Variants in SETD9 observed in about 807,000 individuals in gnomAD.
SETD9 encodes the protein SET domain-containing protein 9.
In SETD9, 37 loss-of-function variants were observed where a neutral mutation model predicts 36.4. The observed-to-expected ratio is 1.02, with a 90% CI of 0.78 to 1.34. The LOEUF is 1.34. Ranked by LOEUF, SETD9 falls within the 40% of genes most tolerant of loss-of-function variation. SETD9 has a pLI of 0.00. For synonymous variants in SETD9, 128 were observed against 132.9 expected, an observed-to-expected ratio of 0.96 and a Z score of 0.26; for missense variants, 323 against 353.2, an observed-to-expected ratio of 0.91 and a Z score of 0.69.
chr5:56,910,074 G>C, intron 1 of SETD9: 1 of 1,266,922 alleles, frequency 7.9e-7, no homozygotes, highest in South Asian at 1.6e-5. Context: ...GGCCGAGCTC[G>C]CCAGCCGGAT....
chr5:56,909,561 C>G (rs1329535284), upstream of SETD9: 3 of 1,070,616 alleles, frequency 2.8e-6, no homozygotes, highest in African/African-American at 1.7e-5. Flanking sequence ...CCGAGCGCGG[C>G]CCCCTCTCCT....
chr5:56,923,784 C>T (rs775094278), intron 5 of SETD9: 3 of 1,614,172 alleles, frequency 1.9e-6, no homozygotes, highest in African/African-American at 1.3e-5. Flanking sequence ...GAAGCATTTA[C>T]CGTCCCACCC....
chr5:56,912,719 G>A (rs1749208773), intron 2 of SETD9, among the ~76,000 whole-genome samples: 1 of 151,788 alleles, frequency 6.6e-6, no homozygotes, highest in Admixed American at 6.6e-5. Context: ...AAATATATAT[G>A]TGTGTGTGTA....
rs1445744582 is a variant in SETD9 at position 56,910,425 on chromosome 5, C to T, written c.98+682C>T. ...TCCCGCCGGCGTTATTAAGGGCGCACCAGTGATCAGCTCAACACCGTGCTC... is the reference window on the plus strand; with the variant it reads ...TCCCGCCGGCGTTATTAAGGGCGCATCAGTGATCAGCTCAACACCGTGCTC... On this transcript the variant is annotated intron_variant, in intron 1 of 5. Transcript: ENST00000285947. The T allele has an allele frequency of 1.2e-5, 16 of 1,301,380 alleles. No individual in the cohort carries two copies. In the Admixed American group the frequency reaches 1.4e-4, roughly 11 times the overall value. The allele number at this position is 1,301,380 out of a possible 1,614,324, so 80.6% of individuals were successfully genotyped here. A position where few individuals can be genotyped will look rare whatever the true frequency, so the allele number is the denominator to read the frequency against.
downstream of SETD9, chr5:56,922,236 C>T (rs1182582104): frequency 2.6e-5 from 4 of 152,574 alleles, no homozygotes; most frequent in Non-Finnish European, 5.9e-5. Context: ...CTCTGCAAGT[C>T]GACTGCCTCA....
chr5:56,909,721 C>G lies in SETD9; in HGVS notation c.76C>G (p.Leu26Val), dbSNP rs753264573. ...YKYRFVPWIA[L>V]NLSHNPRTLR... ...GTACCGCTTCGTTCCCTGGATCGCA[C>G]TGAACCTAAGCCACAACCCGAGGTG... Residue 26 changes from leucine (L) to valine (V), a missense_variant, in exon 1 of 6, where the codon CTG (leucine) becomes GTG (valine). Physicochemically the swap from Leu to Val is conservative, Grantham distance 32. Transcript: ENST00000285947. 8.7e-6 allele frequency: 14 copies of G among 1,611,260 alleles called. No individual in the cohort carries two copies. The South Asian group carries it at 9.9e-5, about 11-fold the overall frequency.
chr5:56,910,250 G>A (rs1461370306), intron 1 of SETD9: 12 of 1,300,870 alleles, frequency 9.2e-6, no homozygotes, highest in Non-Finnish European at 1.2e-5. Context: ...AGCCAAGCCA[G>A]GGTTTATTTT....
At chr5:56,922,938 GT>G in intron 5 of SETD9, 1 of 595,916 alleles carries the variant, frequency 1.7e-6, no homozygotes, top group South Asian at 2.1e-5. Flanking sequence ...GCTGATCATA[GT>G]TCATTTCCAC....
At chr5:56,911,884 T>C (rs7731829) in intron 2 of SETD9, among the ~76,000 whole-genome samples, 13,895 of 152,100 alleles carry the variant, frequency 0.091, 658 homozygotes, top group East Asian at 0.14. Context: ...ATAAAAATGG[T>C]ATGGATAGGC....
chr5:56,919,864 T>C (rs1441829081), downstream of SETD9: 1 of 152,630 alleles, frequency 6.6e-6, no homozygotes, highest in Non-Finnish European at 1.5e-5. Context: ...TATTTAACAA[T>C]AAAACTAATA....
rs112952866 is a variant in SETD9 at position 56,911,189 on chromosome 5, A to G, written c.119A>G (p.Glu40Gly). Residue 40 changes from glutamate (E) to glycine (G), a missense_variant, in exon 2 of 6, where the codon GAG (glutamate) becomes GGG (glycine). Glu to Gly is a moderately conservative substitution (Grantham distance 98, BLOSUM62 -2). Coordinates refer to ENST00000285947, the MANE Select transcript of SETD9 (RefSeq NM_153706.4). Reference protein sequence around the residue: ...HNPRTLRYVPEESKDKVISDE... With the variant: ...HNPRTLRYVPGESKDKVISDE... The stretch of plus-strand genomic sequence containing the variant: ...TTCAGGACCCTCCGATATGTTCCAG[A>G]GGAATCCAAAGACAAAGTTATCTCA... 4 of 1,564,170 alleles carry G rather than the reference A, an allele frequency of 2.6e-6. No homozygotes were observed. The highest frequency in any genetic ancestry group is 3.4e-6 in the Non-Finnish European group (4 of 1,159,658).
In SETD9 at chr5:56,923,533, C is replaced by G. The variant is rs13158348; in HGVS notation, c.813-1800C>G. The G allele has an allele frequency of 1.9e-6, 3 of 1,614,028 alleles. No individual in the cohort carries two copies. In the African/African-American group the frequency reaches 4.0e-5, roughly 22 times the overall value. ...TGCCCAGTGGAGGAAAGCTATCATC[C>G]AAACAATTCACATCTGTGGGGTCGC... On this transcript the variant is annotated intron_variant, in intron 5 of 5. Transcript: ENST00000628593.
chr5:56,914,579 T>A (rs61278773), intron 4 of SETD9, among the ~76,000 whole-genome samples: 3,271 of 152,110 alleles, frequency 0.022, 127 homozygotes, highest in African/African-American at 0.075. Flanking sequence ...GTAGATATTA[T>A]CTAAACATAT....
At chr5:56,927,577 G>A (rs747895817), downstream of SETD9, among the ~76,000 whole-genome samples, 1 of 151,940 alleles carries the variant, frequency 6.6e-6, no homozygotes, top group Non-Finnish European at 1.5e-5. Context: ...ATAGACTTTA[G>A]TTTTTAAGAG....
At chr5:56,914,062 G>A in intron 4 of SETD9, 73 bp downstream of exon 4, 3 of 1,110,886 alleles carry the variant, frequency 2.7e-6, no homozygotes, top group East Asian at 2.4e-5. Context: ...ATATGACTGA[G>A]TGCCAAGGGC....
In SETD9 at chr5:56,913,052, A is replaced by G. The variant is rs1749230630; in HGVS notation, c.508A>G (p.Ile170Val). Residue 170 changes from isoleucine to valine, a missense_variant, in exon 3 of 6, where the codon ATT becomes GTT. Transcript: ENST00000285947. ...QKYEPIFFQS[I>V]GNPFIFRCLD... The stretch of plus-strand genomic sequence containing the variant: ...GTATGAGCCGATCTTTTTCCAGTCC[A>G]TTGGAAATCCGTTTATTTTTAGATG... 3 of 1,613,832 alleles carry G rather than the reference A, an allele frequency of 1.9e-6. No homozygotes were observed. Among genetic ancestry groups the G allele is most frequent in the Non-Finnish European group, 2.5e-6 (3 of 1,179,896 alleles).
At chr5:56,913,789 T>C in intron 3 of SETD9, 85 bp from the exon 4 acceptor site, 1 of 679,462 alleles carries the variant, frequency 1.5e-6, no homozygotes. Flanking sequence ...TAAGAAAAAA[T>C]GCACTGGTGT....
downstream of SETD9, among the ~76,000 whole-genome samples, chr5:56,925,952 G>A (rs577323762): frequency 2.0e-5 from 3 of 152,156 alleles, no homozygotes; most frequent in African/African-American, 7.2e-5. Flanking sequence ...CACGGGTACA[G>A]TCAACTGATC....
At chr5:56,912,774 A>G (rs1454891238) in intron 2 of SETD9, among the ~76,000 whole-genome samples, 1 of 152,094 alleles carries the variant, frequency 6.6e-6, no homozygotes, top group African/African-American at 2.4e-5. Flanking sequence ...TATATATATG[A>G]CTTTGTAAAA....
Sources: allele counts gnomAD v4.1 joint callset (sites outside exome capture counted in the v4.1 genomes callset), GRCh38; gene constraint gnomAD v4.1.1; transcripts MANE v1.5; gene names NCBI Gene and HGNC (gene_info 2026-07-23, HGNC 2026-07-21).